FRMPD4: variants seen among roughly 807,000 people sequenced by gnomAD.
FRMPD4 encodes FERM and PDZ domain-containing protein 4.
In FRMPD4, 22 loss-of-function variants were observed where a neutral mutation model predicts 94.1. The observed-to-expected ratio is 0.23, with a 90% CI of 0.17 to 0.33. The LOEUF is 0.33. Ranked by LOEUF, FRMPD4 falls within the 10% of genes least tolerant of loss-of-function variation. FRMPD4 has a pLI of 1.00. For missense variants in FRMPD4, 1,111 were observed against 1,339.9 expected, an observed-to-expected ratio of 0.83 and a Z score of 2.67; for synonymous variants, 631 against 548.6, an observed-to-expected ratio of 1.15 and a Z score of -2.10.
chrX:12,294,245 T>C (rs990000171), intron 1 of FRMPD4, among the ~76,000 whole-genome samples: 4 of 111,302 alleles, frequency 3.6e-5, no homozygotes, highest in African/African-American at 1.3e-4. Flanking sequence ...GTGTAAAGAC[T>C]ATTGCTCCAT....
chrX:12,273,400 C>T (rs1385954720), intron 1 of FRMPD4, among the ~76,000 whole-genome samples: 3 of 112,063 alleles, frequency 2.7e-5, no homozygotes, highest in Middle Eastern at 4.6e-3. Flanking sequence ...TAAGCACTTA[C>T]GGTAATTTGG....
At chrX:11,916,096 T>TA (rs901413842) in intron 3 of FRMPD4, among the ~76,000 whole-genome samples, 1 of 109,700 alleles carries the variant, frequency 9.1e-6, no homozygotes, top group Non-Finnish European at 1.9e-5. Flanking sequence ...TGATGAATTT[T>TA]AAAAAATGAA....
chrX:12,569,170 G>A (rs1178023216), intron 2 of FRMPD4, among the ~76,000 whole-genome samples: 1 of 111,508 alleles, frequency 9.0e-6, no homozygotes, highest in Non-Finnish European at 1.9e-5. Context: ...CTAGAACCAT[G>A]AGTCAAATAA....
intron 1 of FRMPD4, among the ~76,000 whole-genome samples, chrX:11,861,644 C>G (rs1601810319): frequency 9.0e-6 from 1 of 111,096 alleles, no homozygotes; most frequent in Non-Finnish European, 1.9e-5. Flanking sequence ...AGAGATAAAA[C>G]TTACAACAAC....
intron 4 of FRMPD4, among the ~76,000 whole-genome samples, chrX:12,639,441 A>G (rs1031660944): frequency 8.9e-6 from 1 of 112,267 alleles, no homozygotes; most frequent in Non-Finnish European, 1.9e-5. Flanking sequence ...AGAATCAATC[A>G]TCTATTATGG....
intron 1 of FRMPD4, among the ~76,000 whole-genome samples, chrX:12,184,871 G>C (rs1176065562): frequency 5.4e-5 from 6 of 111,250 alleles, no homozygotes; most frequent in Non-Finnish European, 1.1e-4. Flanking sequence ...GGGCGACGTA[G>C]GGATGGTTAA....
intron 3 of FRMPD4, among the ~76,000 whole-genome samples, chrX:11,942,504 G>A (rs1027810776): frequency 6.3e-5 from 7 of 111,516 alleles, no homozygotes; most frequent in African/African-American, 2.3e-4. Context: ...AATTAAGGGT[G>A]ACGTAGTAAC....
intron 2 of FRMPD4, among the ~76,000 whole-genome samples, chrX:12,544,512 C>T (rs899463661): frequency 9.0e-5 from 10 of 111,721 alleles, no homozygotes; most frequent in Non-Finnish European, 1.9e-4. Context: ...ATTTTTAAAG[C>T]TTCCCAGAGT....
intron 2 of FRMPD4, among the ~76,000 whole-genome samples, chrX:12,524,374 A>AC (rs1230793541): frequency 1.8e-5 from 2 of 111,567 alleles, no homozygotes; most frequent in African/African-American, 6.5e-5. Flanking sequence ...ATTTTGGTTT[A>AC]CACTGGTCTG....
At chrX:12,325,968 G>C (rs1457156361) in intron 1 of FRMPD4, among the ~76,000 whole-genome samples, 2 of 112,050 alleles carry the variant, frequency 1.8e-5, no homozygotes, top group Non-Finnish European at 3.8e-5. Context: ...CTAAATGCTA[G>C]AATATGGAGA....
chrX:12,350,609 G>A (rs765781124), intron 1 of FRMPD4, among the ~76,000 whole-genome samples: 8 of 112,059 alleles, frequency 7.1e-5, no homozygotes, highest in Non-Finnish European at 1.5e-4. Context: ...AAAACTACCC[G>A]GATATGAACT....
chrX:12,114,369 C>G (rs1281807144), intron 3 of FRMPD4, among the ~76,000 whole-genome samples: 1 of 111,673 alleles, frequency 9.0e-6, no homozygotes, highest in Non-Finnish European at 1.9e-5. Context: ...AGTCTCATGA[C>G]TGGCATCAAA....
At chrX:12,176,611 G>A (rs1273660040) in intron 1 of FRMPD4, among the ~76,000 whole-genome samples, 1 of 112,129 alleles carries the variant, frequency 8.9e-6, no homozygotes, top group Non-Finnish European at 1.9e-5. Context: ...CACTATACAA[G>A]TTTATTTTAG....
At chrX:12,263,971 C>T (rs1233018217) in intron 1 of FRMPD4, among the ~76,000 whole-genome samples, 4 of 111,011 alleles carry the variant, frequency 3.6e-5, no homozygotes, top group Non-Finnish European at 7.5e-5. Context: ...AATCCATTAA[C>T]GAGGGTGGAG....
At chrX:12,442,281 A>G (rs2057146766) in intron 1 of FRMPD4, among the ~76,000 whole-genome samples, 1 of 111,589 alleles carries the variant, frequency 9.0e-6, no homozygotes, top group Admixed American at 9.6e-5. Flanking sequence ...AATCTTGTCT[A>G]TTTTGTTCCA....
At chrX:11,924,665 A>G (rs1200085960) in intron 3 of FRMPD4, among the ~76,000 whole-genome samples, 1 of 112,231 alleles carries the variant, frequency 8.9e-6, no homozygotes, top group African/African-American at 3.2e-5. Flanking sequence ...ATTAAGCTTC[A>G]TAAGCGAAGG....
intron 3 of FRMPD4, among the ~76,000 whole-genome samples, chrX:12,124,857 T>C (rs1257137177): frequency 9.0e-6 from 1 of 111,636 alleles, no homozygotes; most frequent in African/African-American, 3.3e-5. Context: ...GTGCCTTCCA[T>C]GTAACAAATG....
rs376993952 is a variant in FRMPD4, at chrX:12,485,258, GGTT to G, written c.42-13418_42-13416del. 2.6e-3 allele frequency among the ~76,000 whole-genome samples: 289 copies of G among 112,388 alleles called. 1 individual carries two copies. Among genetic ancestry groups the G allele is most frequent in the African/African-American group, 8.7e-3 (268 of 30,980 alleles). The stretch of plus-strand genomic sequence containing the variant: ...TCTATTTGCAATCTAGTTTATTCTT[GGTT>G]GTTCTCAAATTATTGTGTGTATAAT... On this transcript the variant is annotated intron_variant, in intron 1 of 16. Coordinates refer to ENST00000675598, the MANE Select transcript of FRMPD4 (RefSeq NM_001368397.1).
intron 1 of FRMPD4, among the ~76,000 whole-genome samples, chrX:12,198,848 A>ATTTATTT (rs2056596449): frequency 8.9e-6 from 1 of 112,396 alleles, no homozygotes; most frequent in Non-Finnish European, 1.9e-5. Context: ...TGATAGAAAA[A>ATTTATTT]GAACGTAGAA....
Sources: gnomAD v4.1 joint callset for allele counts (sites outside exome capture counted in the v4.1 genomes callset) on GRCh38, gnomAD v4.1.1 for gene constraint, MANE v1.5 for transcripts, NCBI Gene and HGNC (gene_info 2026-07-23, HGNC 2026-07-21) for gene names.